The following DTNB variants were observed in gnomAD, a reference collection of about 807,000 sequenced individuals.
DTNB encodes the protein DTN-B.
DTNB carries 63 observed loss-of-function variants against 90.7 expected under a neutral mutation model. That is an observed-to-expected ratio of 0.69 (90% CI 0.57 to 0.86). The LOEUF (loss-of-function observed/expected upper bound fraction) is 0.86, where lower values mean the gene tolerates loss of function less well. DTNB is among the 40% of genes least tolerant of loss of function. The pLI is 0.00. For missense variants in DTNB, 744 were observed against 807.1 expected, an observed-to-expected ratio of 0.92 and a Z score of 0.95; for synonymous variants, 277 against 286.7, an observed-to-expected ratio of 0.97 and a Z score of 0.34.
intron 9 of DTNB, among the ~76,000 whole-genome samples, chr2:25,484,603 A>G (rs376979187): frequency 1.3e-4 from 20 of 152,204 alleles, no homozygotes; most frequent in African/African-American, 4.8e-4. Context: ...TTTAAAAATG[A>G]TTTTTCCATT....
chr2:25,537,613 G>T (rs1282992663), intron 8 of DTNB, among the ~76,000 whole-genome samples: 1 of 152,146 alleles, frequency 6.6e-6, no homozygotes, highest in Non-Finnish European at 1.5e-5. Flanking sequence ...ATGAATAAGG[G>T]ATTTCCTTAA....
At chr2:25,389,203 G>T (rs1277277959) in intron 16 of DTNB, among the ~76,000 whole-genome samples, 2 of 152,242 alleles carry the variant, frequency 1.3e-5, no homozygotes, top group Non-Finnish European at 2.9e-5. Context: ...AAGAGACGTT[G>T]TGTCAGGCCA....
intron 4 of DTNB, among the ~76,000 whole-genome samples, chr2:25,626,171 T>G (rs971668419): frequency 3.3e-5 from 5 of 152,202 alleles, no homozygotes; most frequent in African/African-American, 4.8e-5. Context: ...GAATCCAAGA[T>G]TTTAATCTCT....
At chr2:25,491,213 G>T (rs2067397107) in intron 9 of DTNB, among the ~76,000 whole-genome samples, 1 of 151,664 alleles carries the variant, frequency 6.6e-6, no homozygotes, top group South Asian at 2.1e-4. Context: ...AGGGAACGAG[G>T]GAGGAGAAAC....
intron 14 of DTNB, among the ~76,000 whole-genome samples, chr2:25,428,417 T>G (rs1464039415): frequency 6.6e-6 from 1 of 151,984 alleles, no homozygotes; most frequent in East Asian, 1.9e-4. Flanking sequence ...AGTCTCCTTA[T>G]GTGATTAATC....
intron 2 of DTNB, among the ~76,000 whole-genome samples, chr2:25,641,938 A>G (rs2078404427): frequency 1.3e-5 from 2 of 152,116 alleles, no homozygotes; most frequent in Non-Finnish European, 2.9e-5. Context: ...CTCCTGCCTC[A>G]GCCTCCCGAG....
chr2:25,563,657 C>A (rs1245849435), intron 8 of DTNB, among the ~76,000 whole-genome samples: 2 of 141,808 alleles, frequency 1.4e-5, no homozygotes, highest in Non-Finnish European at 3.0e-5. Flanking sequence ...CAAATTCATT[C>A]TTTTGCCTGT....
intron 12 of DTNB, among the ~76,000 whole-genome samples, chr2:25,435,220 C>T (rs2055311521): frequency 6.6e-6 from 1 of 152,120 alleles, no homozygotes; most frequent in Admixed American, 6.5e-5. Flanking sequence ...AGGGTTTCAC[C>T]ATATTGGCGA....
chr2:25,590,311 G>A (rs966738560), intron 6 of DTNB, among the ~76,000 whole-genome samples: 6 of 152,152 alleles, frequency 3.9e-5, no homozygotes, highest in African/African-American at 7.2e-5. Flanking sequence ...TTTGGGTCCC[G>A]AGTTCCTGTC....
chr2:25,663,049 C>T (rs986131303), intron 1 of DTNB, among the ~76,000 whole-genome samples: 1 of 152,102 alleles, frequency 6.6e-6, no homozygotes, highest in Non-Finnish European at 1.5e-5. Context: ...TGTCCTAATG[C>T]TCTCCCTCCC....
chr2:25,631,085 G>A (rs147613929), intron 3 of DTNB, among the ~76,000 whole-genome samples: 133 of 152,136 alleles, frequency 8.7e-4, no homozygotes, highest in African/African-American at 3.0e-3. Context: ...ATGGGTATGT[G>A]GTTTGTTTCT....
intron 19 of DTNB, 73 bp downstream of exon 19, chr2:25,383,763 C>A: frequency 6.2e-7 from 1 of 1,613,376 alleles, no homozygotes; most frequent in South Asian, 1.1e-5. Flanking sequence ...AATGCAGAAA[C>A]AAAGTGGGGG....
chr2:25,626,568 C>T (rs763572144), intron 4 of DTNB, among the ~76,000 whole-genome samples: 1 of 152,036 alleles, frequency 6.6e-6, no homozygotes, highest in Non-Finnish European at 1.5e-5. Flanking sequence ...GTTAGACCAG[C>T]CTGGGAAACA....
chr2:25,379,256 G>T (rs2036822063), intron 20 of DTNB, 34 bp downstream of exon 20: 1 of 1,313,972 alleles, frequency 7.6e-7, no homozygotes, highest in East Asian at 2.9e-5. Flanking sequence ...AGGAGGGAGG[G>T]GCCGTGGGGA....
chr2:25,543,227 T>A (rs2081664430), intron 8 of DTNB, among the ~76,000 whole-genome samples: 1 of 152,184 alleles, frequency 6.6e-6, no homozygotes. Flanking sequence ...TCTTTTTTAT[T>A]CTTAACTTAC....
chr2:25,658,308 G>C (rs2082477574), intron 1 of DTNB, among the ~76,000 whole-genome samples: 1 of 151,988 alleles, frequency 6.6e-6, no homozygotes, highest in African/African-American at 2.4e-5. Flanking sequence ...GAGGCAGCAG[G>C]AACTCTCATC....
At chr2:25,463,136 G>A (rs2061271504) in intron 10 of DTNB, among the ~76,000 whole-genome samples, 1 of 152,132 alleles carries the variant, frequency 6.6e-6, no homozygotes, top group African/African-American at 2.4e-5. Flanking sequence ...GGTGCCCAAT[G>A]GGCATTTCAA....
intron 3 of DTNB, among the ~76,000 whole-genome samples, chr2:25,630,801 A>C (rs2075506624): frequency 7.3e-6 from 1 of 137,416 alleles, no homozygotes; most frequent in Non-Finnish European, 1.5e-5. Flanking sequence ...CCAAGATTAC[A>C]CCACTGCACT....
intron 3 of DTNB, among the ~76,000 whole-genome samples, chr2:25,633,061 A>G (rs965387404): frequency 6.6e-6 from 1 of 152,230 alleles, no homozygotes; most frequent in Non-Finnish European, 1.5e-5. Flanking sequence ...TCTACAGATA[A>G]ATTAATATGA....
Sources: allele counts gnomAD v4.1 joint callset (sites outside exome capture counted in the v4.1 genomes callset), GRCh38; gene constraint gnomAD v4.1.1; transcripts MANE v1.5; gene names NCBI Gene and HGNC (gene_info 2026-07-23, HGNC 2026-07-21).